NTM: variants seen among roughly 807,000 people sequenced by gnomAD.
NTM encodes the protein neurotrimin.
Under a neutral mutation model 42.1 loss-of-function variants are expected in NTM, and 13 were observed. The observed-to-expected ratio is 0.31, with a 90% CI of 0.20 to 0.49. NTM has a LOEUF of 0.49. NTM is among the 20% of genes least tolerant of loss of function. The pLI is 0.99. For synonymous variants in NTM, 187 were observed against 179.2 expected (o/e 1.04, Z -0.35); for missense variants, 373 against 452.8 (o/e 0.82, Z 1.60).
At chr11:131,675,598 G>A (rs1253622635) in intron 1 of NTM, among the ~76,000 whole-genome samples, 2 of 152,116 alleles carry the variant, frequency 1.3e-5, no homozygotes, top group Non-Finnish European at 2.9e-5. Context: ...GAGGCTGAGC[G>A]GCTTACTCGA....
chr11:132,144,409 A>G (rs536656595), intron 2 of NTM, among the ~76,000 whole-genome samples: 3 of 152,342 alleles, frequency 2.0e-5, no homozygotes, highest in Admixed American at 2.0e-4. Context: ...TTATTTCCAT[A>G]GAAATCTGTG....
chr11:132,131,541 G>A (rs1425183113), intron 2 of NTM, among the ~76,000 whole-genome samples: 1 of 152,182 alleles, frequency 6.6e-6, no homozygotes, highest in African/African-American at 2.4e-5. Flanking sequence ...GTGAAGGAAG[G>A]GGTGTGTGGG....
intron 7 of NTM, among the ~76,000 whole-genome samples, chr11:132,323,870 T>C: frequency 6.7e-6 from 1 of 149,640 alleles, no homozygotes; most frequent in Non-Finnish European, 1.5e-5. Flanking sequence ...GCTGGTTCAA[T>C]ATACACAAAT....
intron 1 of NTM, among the ~76,000 whole-genome samples, chr11:131,867,611 T>G (rs548051256): frequency 1.3e-5 from 2 of 152,108 alleles, no homozygotes; most frequent in Admixed American, 6.5e-5. Flanking sequence ...TGTGTGTGTA[T>G]GTATGCATGT....
chr11:132,067,101 T>A (rs1186336113), intron 2 of NTM, among the ~76,000 whole-genome samples: 1 of 152,174 alleles, frequency 6.6e-6, no homozygotes, highest in Non-Finnish European at 1.5e-5. Context: ...ACCATAGGCA[T>A]GTGCCACCAC....
chr11:131,749,883 A>T, intron 1 of NTM, among the ~76,000 whole-genome samples: 1 of 152,212 alleles, frequency 6.6e-6, no homozygotes, highest in East Asian at 1.9e-4. Context: ...TACAGGCATC[A>T]TCGTTTTATG....
At chr11:131,840,940 A>G (rs887901320) in intron 1 of NTM, among the ~76,000 whole-genome samples, 5 of 152,252 alleles carry the variant, frequency 3.3e-5, no homozygotes, top group Non-Finnish European at 7.3e-5. Flanking sequence ...GAAAATGTTC[A>G]TCTTGAGGAG....
At chr11:131,766,575 G>C (rs575551585) in intron 1 of NTM, among the ~76,000 whole-genome samples, 4 of 151,436 alleles carry the variant, frequency 2.6e-5, no homozygotes, top group Admixed American at 2.0e-4. Flanking sequence ...CACACAGCAG[G>C]CCCCCCCCTT....
chr11:132,070,413 A>C (rs1268772650), intron 2 of NTM, among the ~76,000 whole-genome samples: 4 of 138,210 alleles, frequency 2.9e-5, no homozygotes, highest in South Asian at 2.7e-4. Flanking sequence ...TAACACGTCA[A>C]ACTGACCGTC....
At chr11:131,928,785 G>A (rs2134058359) in intron 2 of NTM, among the ~76,000 whole-genome samples, 1 of 152,266 alleles carries the variant, frequency 6.6e-6, no homozygotes, top group East Asian at 1.9e-4. Flanking sequence ...TTGTCCCACT[G>A]CAAACTCTGA....
chr11:131,975,656 T>G (rs1000613320), intron 2 of NTM, among the ~76,000 whole-genome samples: 1 of 152,212 alleles, frequency 6.6e-6, no homozygotes, highest in African/African-American at 2.4e-5. Flanking sequence ...ACGGTGTGTT[T>G]GTTTTGTGCC....
chr11:131,677,132 C>A (rs377159580), intron 1 of NTM, among the ~76,000 whole-genome samples: 6 of 152,238 alleles, frequency 3.9e-5, no homozygotes, highest in African/African-American at 1.2e-4. Context: ...ACTCTGTGCC[C>A]TGGTGGCCTC....
At chr11:132,204,803 C>G (rs1374307600) in intron 3 of NTM, among the ~76,000 whole-genome samples, 1 of 152,136 alleles carries the variant, frequency 6.6e-6, no homozygotes, top group African/African-American at 2.4e-5. Flanking sequence ...GAGGTCCTAA[C>G]CAAGCACATT....
At chr11:131,529,523 C>A (rs964446828) in intron 1 of NTM, among the ~76,000 whole-genome samples, 13 of 152,098 alleles carry the variant, frequency 8.5e-5, no homozygotes, top group Non-Finnish European at 1.9e-4. Flanking sequence ...CCAAGGAAAC[C>A]AAGAAGGGCC....
intron 3 of NTM, among the ~76,000 whole-genome samples, chr11:132,174,318 A>G (rs2076493192): frequency 6.6e-6 from 1 of 152,204 alleles, no homozygotes; most frequent in African/African-American, 2.4e-5. Context: ...GCAAAGAGTT[A>G]TTGTAAGAAT....
At chr11:132,130,460 C>T (rs918600985) in intron 2 of NTM, among the ~76,000 whole-genome samples, 5 of 152,090 alleles carry the variant, frequency 3.3e-5, no homozygotes, top group Non-Finnish European at 7.4e-5. Flanking sequence ...TTACTTCATG[C>T]GTTTAAGTTC....
intron 1 of NTM, among the ~76,000 whole-genome samples, chr11:131,460,162 G>T (rs543517149): frequency 6.6e-6 from 1 of 152,282 alleles, no homozygotes; most frequent in African/African-American, 2.4e-5. Flanking sequence ...TTCATAGACA[G>T]CGTAATGCCC....
At chr11:131,952,564 G>A (rs570081166) in intron 2 of NTM, among the ~76,000 whole-genome samples, 14 of 152,228 alleles carry the variant, frequency 9.2e-5, no homozygotes, top group African/African-American at 3.1e-4. Flanking sequence ...TCTGCATGTA[G>A]TCAAATAGGT....
intron 1 of NTM, among the ~76,000 whole-genome samples, chr11:131,710,582 T>TA (rs2077020968): frequency 6.6e-6 from 1 of 152,146 alleles, no homozygotes; most frequent in South Asian, 2.1e-4. Flanking sequence ...TCCCTTGCCT[T>TA]TAATTCACTA....
Sources: gnomAD v4.1 joint callset for allele counts (sites outside exome capture counted in the v4.1 genomes callset) on GRCh38, gnomAD v4.1.1 for gene constraint, MANE v1.5 for transcripts, NCBI Gene and HGNC (gene_info 2026-07-23, HGNC 2026-07-21) for gene names.